Variants in PTPRD observed in about 807,000 individuals in gnomAD.
PTPRD encodes the protein receptor-type tyrosine-protein phosphatase delta.
A neutral mutation model predicts 214.5 loss-of-function variants in PTPRD; 34 were observed. The observed-to-expected ratio is 0.16, with a 90% CI of 0.12 to 0.21. The LOEUF is 0.21. Among genes scored for constraint, PTPRD ranks in the 10% least tolerant of loss-of-function variants. The pLI is 1.00. For synonymous variants in PTPRD, 1,128 were observed against 845.7 expected (o/e 1.33, Z -5.79); for missense variants, 2,545 against 2,398.7 (o/e 1.06, Z -1.27).
rs568042229 is a variant in PTPRD at position 10,121,332 on chromosome 9, A to G, written c.-544-87542T>C. On this transcript the variant is annotated intron_variant, in intron 3 of 45. Coordinates refer to ENST00000381196, the MANE Select transcript of PTPRD (RefSeq NM_002839.4). ...TTTTTTAGAGTTGGCTTTGGGATAC[A>G]TTTCAATTTGGAAGCAGATTTATTT... Among the ~76,000 whole-genome samples the G allele has an allele frequency of 5.9e-5, 9 of 152,286 alleles. No individual in the cohort carries two copies. The East Asian group carries it at 1.5e-3, about 26-fold the overall frequency.
chr9:10,263,933 G>C lies in PTPRD; in HGVS notation c.-545+77030C>G, dbSNP rs912244069. On this transcript the variant is annotated intron_variant, in intron 3 of 45. Coordinates refer to ENST00000381196, the MANE Select transcript of PTPRD (RefSeq NM_002839.4). ...GGACTTGGTGTTCTGCATCTCAAAGGCTCCATCCATGGCGAAAATGGGCCA... is the reference window on the plus strand; with the variant it reads ...GGACTTGGTGTTCTGCATCTCAAAGCCTCCATCCATGGCGAAAATGGGCCA... Among the ~76,000 whole-genome samples, 3 of 152,082 alleles carry C rather than the reference G, an allele frequency of 2.0e-5. No individual in the cohort carries two copies. In the East Asian group the frequency reaches 5.8e-4, roughly 30 times the overall value.
intron 9 of PTPRD, among the ~76,000 whole-genome samples, chr9:9,236,990 G>T (rs1005300044): frequency 3.3e-5 from 5 of 152,078 alleles, no homozygotes; most frequent in Non-Finnish European, 7.4e-5. Context: ...ATTAGTTTTT[G>T]TCTGGAATTA....
chr9:9,725,341 C>A (rs915235472), intron 7 of PTPRD, among the ~76,000 whole-genome samples: 6 of 151,220 alleles, frequency 4.0e-5, no homozygotes, highest in African/African-American at 1.5e-4. Context: ...TGCTGCCATC[C>A]ATGTAAAAGA....
chr9:8,360,932 C>G (rs576225543), intron 39 of PTPRD, among the ~76,000 whole-genome samples: 1 of 152,186 alleles, frequency 6.6e-6, no homozygotes, highest in Non-Finnish European at 1.5e-5. Context: ...ATTCACCCCC[C>G]TGCATCAATT....
rs1420360960 is a variant in PTPRD at position 9,950,503 on chromosome 9, T to A, written c.-471-11893A>T. On this transcript the variant is annotated intron_variant, in intron 4 of 45. Coordinates refer to ENST00000381196, the MANE Select transcript of PTPRD (RefSeq NM_002839.4). ...ACTTTGGGAGGCCGAGGCGGGCGGA[T>A]CACGAGGTCAGGAGATCGAGACCAT... Among the ~76,000 whole-genome samples, 7 of 93,196 alleles carry A rather than the reference T, an allele frequency of 7.5e-5. 2 individuals carry two copies. The highest frequency in any genetic ancestry group is 2.1e-4 in the Admixed American group (2 of 9,644). 61.1% of individuals were successfully genotyped at this position (93,196 alleles called of 152,430 possible). A position where few individuals can be genotyped will look rare whatever the true frequency, so the allele number is the denominator to read the frequency against.
At chr9:9,424,673 TC>T (rs572724384) in intron 8 of PTPRD, among the ~76,000 whole-genome samples, 159 of 152,288 alleles carry the variant, frequency 1.0e-3, no homozygotes, top group African/African-American at 3.7e-3. Context: ...AAAGAGGCTT[TC>T]TTTCACAGCA....
At chr9:10,538,897 C>A (rs953579119) in intron 2 of PTPRD, among the ~76,000 whole-genome samples, 3 of 152,088 alleles carry the variant, frequency 2.0e-5, no homozygotes, top group African/African-American at 7.2e-5. Flanking sequence ...ACCTTATTTT[C>A]TCAGAAGTTT....
chr9:8,451,983 T>C (rs1002363430), intron 33 of PTPRD: 7 of 381,102 alleles, frequency 1.8e-5, no homozygotes, highest in African/African-American at 6.4e-5. Flanking sequence ...AAGAAAACTC[T>C]CTAAAGTAAT....
In PTPRD at chr9:9,232,581, T is replaced by C. The variant is rs72696860; in HGVS notation, c.-202-49218A>G. Among the ~76,000 whole-genome samples, 1,027 of 152,268 alleles carry C rather than the reference T, an allele frequency of 6.7e-3. 15 individuals are homozygous for C. Among genetic ancestry groups the C allele is most frequent in the Non-Finnish European group, 0.011 (773 of 68,006 alleles). ...GAAGTAATAAAAATACCAGTTCTTT[T>C]TGAATCAATATAAATAATAGAAATG... On this transcript the variant is annotated intron_variant, in intron 9 of 45. Transcript: ENST00000381196.
intron 5 of PTPRD, among the ~76,000 whole-genome samples, chr9:9,830,694 G>A (rs2054536792): frequency 6.6e-6 from 1 of 151,732 alleles, no homozygotes. Context: ...AATAAATCAG[G>A]ACAATATAAT....
At chr9:9,773,980 G>A (rs1422719036) in intron 5 of PTPRD, among the ~76,000 whole-genome samples, 1 of 152,198 alleles carries the variant, frequency 6.6e-6, no homozygotes. Context: ...TTATTCCAGA[G>A]GAGTGAAGTG....
chr9:8,993,246 G>A (rs1320645219), intron 11 of PTPRD, among the ~76,000 whole-genome samples: 1 of 152,086 alleles, frequency 6.6e-6, no homozygotes, highest in East Asian at 1.9e-4. Flanking sequence ...CAAGCTGTGA[G>A]CCCCAGGACA....
At chr9:8,803,977 G>A (rs2096623082) in intron 11 of PTPRD, among the ~76,000 whole-genome samples, 1 of 151,790 alleles carries the variant, frequency 6.6e-6, no homozygotes, top group Non-Finnish European at 1.5e-5. Context: ...CCCACAGACG[G>A]AGTCTCGCTC....
chr9:8,463,870 C>T (rs1388477938), intron 32 of PTPRD, among the ~76,000 whole-genome samples: 1 of 151,852 alleles, frequency 6.6e-6, no homozygotes, highest in African/African-American at 2.4e-5. Flanking sequence ...TACACAAAGG[C>T]TTTATTACTG....
intron 2 of PTPRD, among the ~76,000 whole-genome samples, chr9:10,376,063 G>T (rs544930231): frequency 2.0e-5 from 3 of 151,880 alleles, no homozygotes; most frequent in Non-Finnish European, 2.9e-5. Context: ...TGCCTATTCT[G>T]TGTAAGGGAC....
At chr9:8,904,305 A>C (rs1391622388) in intron 11 of PTPRD, among the ~76,000 whole-genome samples, 1 of 152,172 alleles carries the variant, frequency 6.6e-6, no homozygotes, top group Non-Finnish European at 1.5e-5. Context: ...GCTCTTATGT[A>C]ATATATATCC....
chr9:8,546,533 C>G (rs1406090722), intron 14 of PTPRD, among the ~76,000 whole-genome samples: 1 of 151,662 alleles, frequency 6.6e-6, no homozygotes, highest in Non-Finnish European at 1.5e-5. Flanking sequence ...GAGTCTCACT[C>G]TGTAGTCCAG....
intron 5 of PTPRD, among the ~76,000 whole-genome samples, chr9:9,871,108 G>C (rs1453484747): frequency 1.3e-5 from 2 of 152,016 alleles, no homozygotes; most frequent in Admixed American, 1.3e-4. Flanking sequence ...AGATACTAAT[G>C]GGTTCAACAA....
At chr9:9,511,563 T>C (rs940113841) in intron 8 of PTPRD, among the ~76,000 whole-genome samples, 4 of 151,718 alleles carry the variant, frequency 2.6e-5, no homozygotes, top group Non-Finnish European at 5.9e-5. Flanking sequence ...TTTATGAAAA[T>C]TTACAAGTGT....
Sources: gnomAD v4.1 joint callset for allele counts (sites outside exome capture counted in the v4.1 genomes callset) on GRCh38, gnomAD v4.1.1 for gene constraint, MANE v1.5 for transcripts, NCBI Gene and HGNC (gene_info 2026-07-23, HGNC 2026-07-21) for gene names.